Variants in CILP observed in about 807,000 individuals in gnomAD.
CILP encodes the protein cartilage intermediate layer protein 1.
A neutral mutation model predicts 82.5 loss-of-function variants in CILP; 75 were observed. The observed-to-expected ratio is 0.91, with a 90% CI of 0.75 to 1.10. CILP has a LOEUF of 1.10. CILP is among the 50% of genes least tolerant of loss of function. The pLI is 0.00. For synonymous variants in CILP, 530 were observed against 580.3 expected (o/e 0.91, Z 1.25); for missense variants, 1,479 against 1,530.8 (o/e 0.97, Z 0.56).
In CILP at chr15:65,207,081, C is replaced by T. The variant is rs761143279; in HGVS notation, c.155-30G>A. ...GAGACATAGCCAAATTGCGGAGGAG[C>T]CGTGATCCTGGTGCGCTCCAGTTCT... On this transcript the variant is annotated intron_variant, in intron 3 of 8. Transcript: ENST00000261883. 6 of 1,596,732 alleles carry T rather than the reference C, an allele frequency of 3.8e-6. No homozygotes were observed. In the South Asian group the frequency reaches 6.7e-5, roughly 18 times the overall value.
rs2679118 is a variant in CILP at position 65,198,563 on chromosome 15, T to G, written c.1723A>C (p.Lys575Gln). 1 of 1,614,270 alleles carries G rather than the reference T, an allele frequency of 6.2e-7. No individual in the cohort carries two copies. Among genetic ancestry groups the G allele is most frequent in the Non-Finnish European group, 8.5e-7 (1 of 1,180,056 alleles). The change falls in exon 9 of 9, where the codon AAG becomes CAG. Residue 575 changes from lysine (K) to glutamine (Q), a missense_variant. Lys to Gln is a moderately conservative substitution (Grantham distance 53). Coordinates refer to ENST00000261883, the MANE Select transcript of CILP (RefSeq NM_003613.4). The part of the protein sequence containing the change: ...FHEIKMLRRK[K>Q]PITLEAMETN... ...TCCATGGCTTCCAAAGTGATGGGCT[T>G]TTTCCGACGAAGCATCTTGATTTCA...
chr15:65,209,743 T>C lies in CILP; in HGVS notation c.13A>G (p.Lys5Glu). 6.2e-7 allele frequency: 1 copy of C among 1,613,974 alleles called. No individual in the cohort carries two copies. The highest frequency in any genetic ancestry group is 2.2e-5 in the East Asian group (1 of 44,842). The change falls in exon 2 of 9, where the codon AAG becomes GAG. Residue 5 changes from lysine (K) to glutamate (E), a missense_variant. Transcript: ENST00000261883. MVGT[K>E]AWVFSFLVLE... ...ACCAGGAAGGAGAACACCCAGGCCT[T>C]GGTCCCCACCATCTTTCCCCCAAGC...
chr15:65,209,824 G>T lies in CILP; in HGVS notation c.-69C>A. ...GTGCTTCACAGAGTCACTGACTCTG[G>T]AATGCGGTCCCCTGGGAAGTTTCTC... On this transcript the variant is annotated 5_prime_UTR_variant, in exon 2 of 9. Transcript: ENST00000261883. 7.2e-7 allele frequency: 1 copy of T among 1,380,340 alleles called. No individual in the cohort carries two copies. Among genetic ancestry groups the T allele is most frequent in the South Asian group, 1.2e-5 (1 of 85,674 alleles). The allele number at this position is 1,380,340 out of a possible 1,614,324, so 85.5% of individuals were successfully genotyped here. A position where few individuals can be genotyped will look rare whatever the true frequency, so the allele number is the denominator to read the frequency against.
Position 65,198,972 on chromosome 15 carries a change from T to G in CILP, c.1314A>C (p.Ala438=), listed in dbSNP as rs1220781395. ...DVGRCPVKTC[A]GQQDNGIRCR... ...ACCTGATCCCATTATCCTGCTGCCC[T>G]GCACAAGTCTTAACAGGGCAGCGTC... Residue 438 remains alanine (A), a synonymous_variant, in exon 9 of 9, where the codon GCA becomes GCC. Transcript: ENST00000261883. 1 of 1,613,580 alleles carries G rather than the reference T, an allele frequency of 6.2e-7. No homozygotes were observed.
Position 65,203,513 on chromosome 15 carries a change from T to A in CILP, c.920-43A>T, listed in dbSNP as rs749453813. The A allele has an allele frequency of 4.1e-6, 6 of 1,448,912 alleles. No individual in the cohort carries two copies. The South Asian group carries it at 6.9e-5, about 17-fold the overall frequency. The allele number at this position is 1,448,912 out of a possible 1,614,324, so 89.8% of individuals were successfully genotyped here. ...AAATAGCATTTTGGGTTTTTGTGTG[T>A]GTGTGTGACAGGTTCTACAGAGCCT... On this transcript the variant is annotated intron_variant, in intron 6 of 8. Coordinates refer to ENST00000261883, the MANE Select transcript of CILP (RefSeq NM_003613.4).
Position 65,197,597 on chromosome 15 carries a change from C to T in CILP, c.2689G>A (p.Glu897Lys), listed in dbSNP as rs1330398438. Reference protein sequence around the residue: ...EESNGPIYAFENLRACEEAPP... With the variant: ...EESNGPIYAFKNLRACEEAPP... The stretch of plus-strand genomic sequence containing the variant: ...GCCTCTTCACATGCCCGGAGGTTCT[C>T]AAAGGCATAGATGGGCCCATTGCTC... Residue 897 changes from glutamate to lysine, a missense_variant, in exon 9 of 9, where the codon GAG becomes AAG. Physicochemically the swap from Glu to Lys is moderately conservative, Grantham distance 56 (BLOSUM62 1). Coordinates refer to ENST00000261883, the MANE Select transcript of CILP (RefSeq NM_003613.4). The T allele has an allele frequency of 6.2e-7, 1 of 1,614,202 alleles. No homozygotes were observed. The highest frequency in any genetic ancestry group is 1.7e-5 in the Admixed American group (1 of 60,020).
In CILP at chr15:65,197,607, G is replaced by A. The variant is rs1326827123; in HGVS notation, c.2679C>T (p.Ile893=). The change falls in exon 9 of 9, where the codon ATC becomes ATT. Residue 893 remains isoleucine, a synonymous_variant. Coordinates refer to ENST00000261883, the MANE Select transcript of CILP (RefSeq NM_003613.4). ...ATGCCCGGAGGTTCTCAAAGGCATA[G>A]ATGGGCCCATTGCTCTCCTCAGCTG... is the stretch of plus-strand genomic sequence containing the variant. ...PNSAEESNGP[I]YAFENLRACE... The A allele has an allele frequency of 1.2e-6, 2 of 1,614,238 alleles. No homozygotes were observed. Among genetic ancestry groups the A allele is most frequent in the Non-Finnish European group, 1.7e-6 (2 of 1,180,040 alleles).
In CILP at chr15:65,197,498, TG is replaced by T; in HGVS notation, c.2787del (p.Phe929LeufsTer7). The T allele has an allele frequency of 6.2e-7, 1 of 1,614,226 alleles. No homozygotes were observed. Among genetic ancestry groups the T allele is most frequent in the African/African-American group, 1.3e-5 (1 of 75,062 alleles). On this transcript the variant is annotated frameshift_variant, in exon 9 of 9. Coordinates refer to ENST00000261883, the MANE Select transcript of CILP (RefSeq NM_003613.4). LOFTEE classifies it high-confidence loss of function. ...GDRYDYNTVP[F>X]NEDDPMSWTE... Reference sequence around the variant, plus strand: ...GTCCAGCTCATAGGGTCATCTTCGTTGAAGGGGACTGTGTTGTAGTCATATC... The same window carrying T: ...GTCCAGCTCATAGGGTCATCTTCGTTAAGGGGACTGTGTTGTAGTCATATC...
rs987852421 is a variant in CILP, at chr15:65,207,039, C to T, written c.167G>A (p.Trp56Ter). The T allele has an allele frequency of 2.5e-6, 4 of 1,612,650 alleles. No individual in the cohort carries two copies. The highest frequency in any genetic ancestry group is 3.4e-6 in the Non-Finnish European group (4 of 1,179,584). The change falls in exon 4 of 9, where the codon TGG becomes TAG. Residue 56 changes from tryptophan (W) to a stop codon, truncating the protein, a stop_gained. Transcript: ENST00000261883. LOFTEE classifies it high-confidence loss of function. ...PADTLESPGE[W>*]TTWFNIDYPG... ...GTAGTCGATGTTGAACCATGTTGTC[C>T]ACTCACCAGGGCCTGAGAGACATAG...
intron 7 of CILP, among the ~76,000 whole-genome samples, 182 bp downstream of exon 7, chr15:65,203,180 G>T (rs1010310472): frequency 2.0e-5 from 3 of 152,160 alleles, no homozygotes; most frequent in Non-Finnish European, 4.4e-5. Flanking sequence ...AGAGCTTGCT[G>T]GTTGTCTGGC....
intron 4 of CILP, among the ~76,000 whole-genome samples, 155 bp downstream of exon 4, chr15:65,206,627 A>C (rs1002065058): frequency 3.3e-5 from 5 of 152,196 alleles, no homozygotes; most frequent in Admixed American, 1.3e-4. Context: ...GAGTCCAAGC[A>C]TATGCATGTG....
At chr15:65,206,536 A>G (rs1052317667) in intron 4 of CILP, among the ~76,000 whole-genome samples, 1 of 152,204 alleles carries the variant, frequency 6.6e-6, no homozygotes, top group African/African-American at 2.4e-5. Flanking sequence ...ATAATAAAAT[A>G]GGTTGAATAG....
intron 8 of CILP, among the ~76,000 whole-genome samples, chr15:65,199,953 A>C (rs1474105386): frequency 1.3e-5 from 2 of 152,168 alleles, no homozygotes; most frequent in African/African-American, 4.8e-5. Flanking sequence ...AATACCAAGA[A>C]TTGTTCCTCG....
At chr15:65,204,966 C>G (rs549409068) in intron 5 of CILP, among the ~76,000 whole-genome samples, 1 of 152,224 alleles carries the variant, frequency 6.6e-6, no homozygotes, top group Non-Finnish European at 1.5e-5. Context: ...CTGGAGTAAG[C>G]CAAGATTGCG....
In CILP at chr15:65,205,333, A is replaced by G. The variant is rs1300006620; in HGVS notation, c.558T>C (p.Ser186=). ...AGTGCTGACCCTCTTCGCTGGCCTC[A>G]CTGCACAGCGACACCATCTCTGCCA... ...ICLAEMVSLC[S]EASEEGQHCM... The change falls in exon 5 of 9, where the codon AGT becomes AGC. Residue 186 remains serine (S), a synonymous_variant. Coordinates refer to ENST00000261883, the MANE Select transcript of CILP (RefSeq NM_003613.4). 1 of 1,614,090 alleles carries G rather than the reference A, an allele frequency of 6.2e-7. No individual in the cohort carries two copies.
chr15:65,201,009 CT>C (rs58235948), intron 8 of CILP, among the ~76,000 whole-genome samples: 85,124 of 150,428 alleles, frequency 0.57, 24,629 homozygotes, highest in African/African-American at 0.65. Context: ...TCTTCTTCTT[CT>C]TTTTTTTTTG....
intron 5 of CILP, 117 bp from the exon 6 acceptor site, chr15:65,204,699 A>G (rs1194687958): frequency 3.0e-6 from 3 of 1,005,746 alleles, no homozygotes; most frequent in Non-Finnish European, 2.8e-6. Context: ...ATCAGCCTGC[A>G]TGACTAACTC....
intron 7 of CILP, among the ~76,000 whole-genome samples, chr15:65,202,556 T>G (rs1488100169): frequency 2.0e-5 from 3 of 151,874 alleles, no homozygotes; most frequent in Non-Finnish European, 2.9e-5. Flanking sequence ...GCCTCTCGAG[T>G]AGCTGGGATT....
chr15:65,200,780 T>A (rs185773900), intron 8 of CILP, among the ~76,000 whole-genome samples: 44 of 152,302 alleles, frequency 2.9e-4, no homozygotes, highest in African/African-American at 1.1e-3. Context: ...CTCAGACCAA[T>A]TAAGTCAGAC....
Sources: allele counts gnomAD v4.1 joint callset (sites outside exome capture counted in the v4.1 genomes callset), GRCh38; gene constraint gnomAD v4.1.1; transcripts MANE v1.5; gene names NCBI Gene and HGNC (gene_info 2026-07-23, HGNC 2026-07-21).